Variants in COL6A6 observed in about 807,000 individuals in gnomAD.
COL6A6 encodes the protein collagen alpha-6(VI) chain.
In COL6A6, 183 loss-of-function variants were observed where a neutral mutation model predicts 208.6. The ratio of observed to expected loss-of-function variants is 0.88; its 90% CI spans 0.78 to 0.99. The LOEUF (loss-of-function observed/expected upper bound fraction) is 0.99, where lower values mean the gene tolerates loss of function less well. Ranked by LOEUF, COL6A6 falls within the 50% of genes least tolerant of loss-of-function variation. The pLI, the probability that COL6A6 is intolerant of heterozygous loss-of-function variation, is 0.00. For missense variants in COL6A6, 2,816 were observed against 2,815.2 expected (o/e 1.00, Z -0.01); for synonymous variants, 973 against 1,011.8 (o/e 0.96, Z 0.73).
chr3:130,524,030 A>G (rs1183862343), intron 1 of COL6A6, among the ~76,000 whole-genome samples: 1 of 152,088 alleles, frequency 6.6e-6, no homozygotes, highest in African/African-American at 2.4e-5. Context: ...GAGTACTGTC[A>G]TCAACCTGAA....
intron 8 of COL6A6, among the ~76,000 whole-genome samples, chr3:130,579,110 C>A (rs528339485): frequency 6.6e-6 from 1 of 152,312 alleles, no homozygotes; most frequent in East Asian, 1.9e-4. Context: ...CTGCCACTTT[C>A]CCCTTTAAAG....
chr3:130,569,757 GA>G (rs2063115724), intron 6 of COL6A6, among the ~76,000 whole-genome samples: 1 of 152,172 alleles, frequency 6.6e-6, no homozygotes, highest in South Asian at 2.1e-4. Flanking sequence ...AGACCACGGG[GA>G]CATAGTTCTT....
chr3:130,573,247 C>T (rs2107946599), intron 7 of COL6A6, among the ~76,000 whole-genome samples: 1 of 152,270 alleles, frequency 6.6e-6, no homozygotes, highest in Admixed American at 6.5e-5. Flanking sequence ...GTTTGAATCC[C>T]TAAATGTATG....
Position 130,526,851 on chromosome 3 carries a change from C to T in COL6A6, c.-32+9454C>T, listed in dbSNP as rs553648057. Among the ~76,000 whole-genome samples, 81 of 152,132 alleles carry T rather than the reference C, an allele frequency of 5.3e-4. No individual in the cohort carries two copies. In the South Asian group the frequency reaches 5.6e-3, roughly 11 times the overall value. On this transcript the variant is annotated intron_variant, in intron 1 of 36. Transcript: ENST00000358511. ...TCTGTTTTTACTTTTCATTGCATAC[C>T]CACTGCCTGACTGCCTACCAGGTGA...
intron 32 of COL6A6, among the ~76,000 whole-genome samples, chr3:130,646,590 A>G (rs917430824): frequency 6.6e-6 from 1 of 152,214 alleles, no homozygotes; most frequent in Non-Finnish European, 1.5e-5. Context: ...AAAAAACCAA[A>G]GGAGCCATCT....
chr3:130,529,917 G>C (rs1248827491), intron 1 of COL6A6, among the ~76,000 whole-genome samples: 1 of 152,188 alleles, frequency 6.6e-6, no homozygotes, highest in Non-Finnish European at 1.5e-5. Context: ...CCTCAGCAGA[G>C]GGCAGCACAG....
At chr3:130,580,081 C>G (rs1028554788) in intron 8 of COL6A6, among the ~76,000 whole-genome samples, 7 of 152,146 alleles carry the variant, frequency 4.6e-5, no homozygotes, top group Admixed American at 2.0e-4. Context: ...TTTGGTATTT[C>G]TGCTGGTTGG....
At chr3:130,547,285 C>T (rs1186847089) in intron 1 of COL6A6, among the ~76,000 whole-genome samples, 1 of 152,270 alleles carries the variant, frequency 6.6e-6, no homozygotes, top group Non-Finnish European at 1.5e-5. Flanking sequence ...AGCGCCCCCT[C>T]TGCAGCTGCT....
At chr3:130,589,028 T>A in intron 11 of COL6A6, 62 bp from the exon 12 acceptor site, 2 of 1,287,602 alleles carry the variant, frequency 1.6e-6, no homozygotes, top group Non-Finnish European at 2.2e-6. Flanking sequence ...ATGGTTGAAC[T>A]TGTATATGAG....
At chr3:130,663,306 G>T (rs934286987) in intron 35 of COL6A6, among the ~76,000 whole-genome samples, 1 of 152,152 alleles carries the variant, frequency 6.6e-6, no homozygotes, top group African/African-American at 2.4e-5. Context: ...TTGGGAGCTT[G>T]TTAGAAATGT....
rs772392672 is a variant in COL6A6, at chr3:130,606,924, A to G, written c.4654-7A>G. The G allele has an allele frequency of 1.9e-6, 3 of 1,606,558 alleles. No homozygotes were observed. The African/African-American group carries it at 4.0e-5, about 22-fold the overall frequency. ...ATTAATGATATCCACCTTTTCTTCT[A>G]TTTTAGGCAGCTCATGGCAGAAGGG... On this transcript the variant is annotated splice_polypyrimidine_tract_variant and splice_region_variant and intron_variant, in intron 20 of 36. Transcript: ENST00000358511.
At chr3:130,653,826 G>A (rs1054698414) in intron 33 of COL6A6, among the ~76,000 whole-genome samples, 1 of 152,056 alleles carries the variant, frequency 6.6e-6, no homozygotes. Flanking sequence ...AAGGTTGGGG[G>A]AAGTGGGGAG....
intron 1 of COL6A6, among the ~76,000 whole-genome samples, chr3:130,535,148 G>T (rs933023918): frequency 2.0e-5 from 3 of 151,536 alleles, no homozygotes; most frequent in Non-Finnish European, 4.4e-5. Context: ...ATTCCTATTA[G>T]ACCCATGTCA....
chr3:130,550,653 TCTTGTGAGA>T (rs1466742632), intron 1 of COL6A6, among the ~76,000 whole-genome samples: 1 of 152,136 alleles, frequency 6.6e-6, no homozygotes, highest in Non-Finnish European at 1.5e-5. Context: ...ACCCATTAGA[TCTTGTGAGA>T]CTTATTCACT....
intron 36 of COL6A6, among the ~76,000 whole-genome samples, chr3:130,671,780 T>C: frequency 6.6e-6 from 1 of 152,142 alleles, no homozygotes; most frequent in South Asian, 2.1e-4. Context: ...AGGAAGGAGC[T>C]GAATCAAACC....
At chr3:130,523,108 A>C in intron 1 of COL6A6, among the ~76,000 whole-genome samples, 1 of 150,316 alleles carries the variant, frequency 6.7e-6, no homozygotes, top group Non-Finnish European at 1.5e-5. Flanking sequence ...TGTTCCCACT[A>C]CTCCCAGTCC....
At chr3:130,589,620 C>T (rs1047099254) in intron 12 of COL6A6, among the ~76,000 whole-genome samples, 1 of 152,110 alleles carries the variant, frequency 6.6e-6, no homozygotes, top group Non-Finnish European at 1.5e-5. Flanking sequence ...TCTCTTATAG[C>T]AAAAGATGTT....
At chr3:130,642,770 C>A in intron 29 of COL6A6, 62 bp from the exon 30 acceptor site, 2 of 1,445,688 alleles carry the variant, frequency 1.4e-6, no homozygotes, top group Non-Finnish European at 1.9e-6. Context: ...AATGTTGGTG[C>A]ACACTGGCTA....
intron 24 of COL6A6, 45 bp downstream of exon 24, chr3:130,621,928 C>T (rs1409115544): frequency 2.7e-6 from 4 of 1,496,074 alleles, no homozygotes; most frequent in Non-Finnish European, 3.7e-6. Flanking sequence ...GTTTTCTGCT[C>T]AAGAGAACTG....
Sources: allele counts gnomAD v4.1 joint callset (sites outside exome capture counted in the v4.1 genomes callset), GRCh38; gene constraint gnomAD v4.1.1; transcripts MANE v1.5; gene names NCBI Gene and HGNC (gene_info 2026-07-23, HGNC 2026-07-21).